Variants in MAP4K4 observed in about 807,000 individuals in gnomAD.
The protein encoded by MAP4K4 is mitogen-activated protein kinase kinase kinase kinase 4.
MAP4K4 carries 38 observed loss-of-function variants against 189.6 expected under a neutral mutation model. The ratio of observed to expected loss-of-function variants is 0.20; its 90% CI spans 0.15 to 0.26. The LOEUF (loss-of-function observed/expected upper bound fraction) is 0.26. Among genes scored for constraint, MAP4K4 ranks in the 10% least tolerant of loss-of-function variants. MAP4K4 has a pLI of 1.00. For synonymous variants in MAP4K4, 610 were observed against 624.3 expected (o/e 0.98, Z 0.34); for missense variants, 1,054 against 1,726.9 (o/e 0.61, Z 6.91).
intron 12 of MAP4K4, among the ~76,000 whole-genome samples, chr2:101,849,605 T>C (rs1342963297): frequency 7.4e-6 from 1 of 135,936 alleles, no homozygotes; most frequent in Non-Finnish European, 1.5e-5. Context: ...GGTGTCATTT[T>C]ATCTCAATAG....
intron 2 of MAP4K4, among the ~76,000 whole-genome samples, chr2:101,747,701 C>T (rs1179209805): frequency 6.6e-6 from 1 of 152,124 alleles, no homozygotes; most frequent in Non-Finnish European, 1.5e-5. Flanking sequence ...GCCCCCCCTT[C>T]TTAGCTTTGG....
At chr2:101,761,550 CTT>C (rs1006689878) in intron 2 of MAP4K4, among the ~76,000 whole-genome samples, 5 of 126,988 alleles carry the variant, frequency 3.9e-5, no homozygotes, top group Non-Finnish European at 5.1e-5. Flanking sequence ...TGGGAGCATT[CTT>C]TTTTTTTTTT....
chr2:101,882,660 G>A, exon 28 of MAP4K4: 7 of 1,608,688 alleles, frequency 4.4e-6, no homozygotes, highest in Non-Finnish European at 5.9e-6. Flanking sequence ...TAGGGGATTT[G>A]GAAGGATGTG....
intron 2 of MAP4K4, among the ~76,000 whole-genome samples, chr2:101,713,088 A>G (rs1178065523): frequency 1.3e-5 from 2 of 151,228 alleles, no homozygotes; most frequent in Non-Finnish European, 2.9e-5. Context: ...TATTTTTAGT[A>G]GAGACGGGGT....
chr2:101,788,176 C>A (rs1298165740), intron 2 of MAP4K4, among the ~76,000 whole-genome samples: 1 of 151,586 alleles, frequency 6.6e-6, no homozygotes, highest in East Asian at 2.0e-4. Flanking sequence ...CCATTCCTTT[C>A]AAAAATTAGA....
chr2:101,849,205 C>G (rs1006203474), intron 12 of MAP4K4, among the ~76,000 whole-genome samples: 4 of 152,214 alleles, frequency 2.6e-5, no homozygotes, highest in Admixed American at 2.0e-4. Context: ...TCACTGCACC[C>G]TCTGCCACCT....
chr2:101,837,318 C>G (rs576268054), intron 9 of MAP4K4, among the ~76,000 whole-genome samples: 10 of 152,058 alleles, frequency 6.6e-5, no homozygotes, highest in Non-Finnish European at 1.3e-4. Context: ...CACGCTGACA[C>G]CCATCTTCAT....
At chr2:101,844,561 C>T (rs566485232) in intron 12 of MAP4K4, among the ~76,000 whole-genome samples, 1 of 152,226 alleles carries the variant, frequency 6.6e-6, no homozygotes, top group African/African-American at 2.4e-5. Context: ...TACTCATCAA[C>T]ATACTGTGTT....
At chr2:101,751,434 G>A (rs1468688237) in intron 2 of MAP4K4, among the ~76,000 whole-genome samples, 1 of 152,148 alleles carries the variant, frequency 6.6e-6, no homozygotes, top group Non-Finnish European at 1.5e-5. Context: ...GAACACAATA[G>A]CTTAACCCCT....
intron 2 of MAP4K4, among the ~76,000 whole-genome samples, chr2:101,737,709 G>C (rs1395771228): frequency 6.6e-6 from 1 of 151,316 alleles, no homozygotes; most frequent in Non-Finnish European, 1.5e-5. Flanking sequence ...TCTATGTCTG[G>C]AACAGGTGAC....
intron 12 of MAP4K4, among the ~76,000 whole-genome samples, chr2:101,851,724 C>CTTTTTTTTTTTT (rs36217584): frequency 1.5e-5 from 1 of 67,902 alleles, no homozygotes; most frequent in Non-Finnish European, 3.4e-5. Context: ...TAACTGTCCT[C>CTTTTTTTTTTTT]TTTTTTTTTT....
chr2:101,701,538 AT>A (rs1047507978), intron 2 of MAP4K4, among the ~76,000 whole-genome samples: 23 of 152,204 alleles, frequency 1.5e-4, no homozygotes, highest in African/African-American at 5.1e-4. Flanking sequence ...AGGGGACTTG[AT>A]CCAGTTTTTT....
chr2:101,779,069 A>C (rs1043940622), intron 2 of MAP4K4, among the ~76,000 whole-genome samples: 3 of 152,194 alleles, frequency 2.0e-5, no homozygotes, highest in South Asian at 2.1e-4. Context: ...GTATTTGTAC[A>C]CTTCTGTGTG....
At chr2:101,722,346 C>T (rs1308316378) in intron 2 of MAP4K4, among the ~76,000 whole-genome samples, 1 of 152,182 alleles carries the variant, frequency 6.6e-6, no homozygotes. Context: ...AATTTTGGCC[C>T]TGCAACTCTG....
intron 6 of MAP4K4, among the ~76,000 whole-genome samples, chr2:101,831,280 T>C (rs2096588380): frequency 6.7e-6 from 1 of 149,650 alleles, no homozygotes; most frequent in Non-Finnish European, 1.5e-5. Context: ...GTGTTTTTTT[T>C]CAAGAAAACT....
chr2:101,707,502 C>T (rs1333729694), intron 2 of MAP4K4, among the ~76,000 whole-genome samples: 2 of 151,994 alleles, frequency 1.3e-5, no homozygotes, highest in Admixed American at 6.6e-5. Context: ...AACCACTGCC[C>T]CTGGTCTGCC....
chr2:101,811,306 G>A (rs2095406552), intron 3 of MAP4K4, among the ~76,000 whole-genome samples: 1 of 145,162 alleles, frequency 6.9e-6, no homozygotes, highest in South Asian at 2.2e-4. Context: ...AGGAGGCAGA[G>A]GTTGCAGTGA....
chr2:101,785,694 C>CTTTTCCTTTTT (rs1558913566), intron 2 of MAP4K4, among the ~76,000 whole-genome samples: 46 of 3,334 alleles, frequency 0.014, no homozygotes, highest in South Asian at 0.064. Flanking sequence ...CTCTCTCTCT[C>CTTTTCCTTTTT]TCTCTCTCTC....
At chr2:101,751,910 G>A (rs2069254649) in intron 2 of MAP4K4, among the ~76,000 whole-genome samples, 1 of 152,206 alleles carries the variant, frequency 6.6e-6, no homozygotes, top group Non-Finnish European at 1.5e-5. Context: ...AAAGGAGCCA[G>A]CACAGTGTTC....
Sources: allele counts gnomAD v4.1 joint callset (sites outside exome capture counted in the v4.1 genomes callset), GRCh38; gene constraint gnomAD v4.1.1; transcripts MANE v1.5; gene names NCBI Gene and HGNC (gene_info 2026-07-23, HGNC 2026-07-21).